The following SEL1L2 variants were observed in gnomAD, a reference collection of about 807,000 sequenced individuals.
The protein encoded by SEL1L2 is SEL1L2 adaptor subunit of SYVN1 ubiquitin ligase, also known as protein sel-1 homolog 2.
A neutral mutation model predicts 98.8 loss-of-function variants in SEL1L2; 89 were observed. That is an observed-to-expected ratio of 0.90 (90% CI 0.76 to 1.07). SEL1L2 has a LOEUF of 1.07. Among genes scored for constraint, SEL1L2 ranks in the 50% least tolerant of loss-of-function variants. The pLI is 0.00. For missense variants in SEL1L2, 788 were observed against 812.0 expected (o/e 0.97, Z 0.36); for synonymous variants, 262 against 278.5 (o/e 0.94, Z 0.59).
In SEL1L2 at chr20:13,876,035, T is replaced by C. The variant is rs764123285; in HGVS notation, c.1104+3A>G. The C allele has an allele frequency of 6.2e-7, 1 of 1,610,996 alleles. No homozygotes were observed. Among genetic ancestry groups the C allele is most frequent in the South Asian group, 1.1e-5 (1 of 91,018 alleles). Reference sequence around the variant, plus strand: ...TGTTTACAACAGTGCATTGAGGACATACCTTACTGGCTGCCATGGAAAAGT... The same window carrying C: ...TGTTTACAACAGTGCATTGAGGACACACCTTACTGGCTGCCATGGAAAAGT... On this transcript the variant is annotated splice_donor_region_variant and intron_variant, in intron 12 of 19. Coordinates refer to ENST00000284951, the MANE Select transcript of SEL1L2 (RefSeq NM_025229.2).
At chr20:13,982,626 A>T (rs1336465603) in intron 1 of SEL1L2, among the ~76,000 whole-genome samples, 1 of 151,994 alleles carries the variant, frequency 6.6e-6, no homozygotes, top group Non-Finnish European at 1.5e-5. Flanking sequence ...TAAATAAATA[A>T]ATAAGAAAGA....
intron 1 of SEL1L2, among the ~76,000 whole-genome samples, chr20:13,963,391 CAAAAAAAAAAAAAAA>C (rs67070339): frequency 2.7e-4 from 13 of 48,192 alleles, no homozygotes; most frequent in East Asian, 6.2e-4. Context: ...TCTGGAGCAG[CAAAAAAAAAAAAAAA>C]AAAAAAAAAA....
intron 17 of SEL1L2, among the ~76,000 whole-genome samples, chr20:13,860,049 T>G (rs1010729690): frequency 6.6e-6 from 1 of 152,220 alleles, no homozygotes; most frequent in Non-Finnish European, 1.5e-5. Flanking sequence ...CCTTTTAATT[T>G]TTTTAAGTAG....
chr20:13,870,015 T>A, intron 13 of SEL1L2, 126 bp downstream of exon 13: 1 of 664,798 alleles, frequency 1.5e-6, no homozygotes, highest in Non-Finnish European at 2.6e-6. Flanking sequence ...TTTTATTCTC[T>A]ATTATCTGAT....
chr20:13,970,315 A>G (rs1316379184), intron 1 of SEL1L2, among the ~76,000 whole-genome samples: 1 of 152,198 alleles, frequency 6.6e-6, no homozygotes, highest in Non-Finnish European at 1.5e-5. Flanking sequence ...ATAGACATTT[A>G]TGATGTTTTT....
intron 1 of SEL1L2, among the ~76,000 whole-genome samples, chr20:13,980,112 A>T (rs374033179): frequency 2.0e-4 from 31 of 152,384 alleles, no homozygotes; most frequent in Middle Eastern, 3.4e-3. Context: ...AATGTTCAAT[A>T]TCACTAATCA....
At chr20:13,894,723 C>T (rs1311126702) in intron 5 of SEL1L2, among the ~76,000 whole-genome samples, 1 of 152,132 alleles carries the variant, frequency 6.6e-6, no homozygotes, top group Non-Finnish European at 1.5e-5. Context: ...CAATTATGCA[C>T]CAACAAACTG....
At chr20:13,963,676 G>A (rs192588184) in intron 1 of SEL1L2, among the ~76,000 whole-genome samples, 14 of 151,954 alleles carry the variant, frequency 9.2e-5, no homozygotes, top group Admixed American at 3.9e-4. Flanking sequence ...AGATTGAACC[G>A]CTGTACTCCA....
intron 18 of SEL1L2, among the ~76,000 whole-genome samples, chr20:13,854,077 C>T (rs2054384074): frequency 1.3e-5 from 2 of 152,152 alleles, no homozygotes; most frequent in Non-Finnish European, 2.9e-5. Flanking sequence ...GAAAATAATT[C>T]TGGTGTTTAA....
intron 5 of SEL1L2, among the ~76,000 whole-genome samples, chr20:13,893,465 T>C (rs555016147): frequency 6.6e-6 from 1 of 152,266 alleles, no homozygotes; most frequent in South Asian, 2.1e-4. Flanking sequence ...ATTAGAAAGA[T>C]GTAACAAGTA....
At chr20:13,930,787 A>G (rs2049109981) in intron 3 of SEL1L2, among the ~76,000 whole-genome samples, 1 of 152,200 alleles carries the variant, frequency 6.6e-6, no homozygotes, top group Non-Finnish European at 1.5e-5. Context: ...CCCATGGTTC[A>G]TAACCCATGG....
At chr20:13,878,576 A>G (rs962106931) in intron 10 of SEL1L2, among the ~76,000 whole-genome samples, 1 of 152,198 alleles carries the variant, frequency 6.6e-6, no homozygotes, top group Admixed American at 6.5e-5. Context: ...AAGAGAAGAG[A>G]ATGTTTAAGG....
In SEL1L2 at chr20:13,849,615, G is replaced by C; in HGVS notation, c.1948-11C>G. On this transcript the variant is annotated splice_polypyrimidine_tract_variant and intron_variant, in intron 19 of 19. Coordinates refer to ENST00000284951, the MANE Select transcript of SEL1L2 (RefSeq NM_025229.2). ...CCATCTCGTTGTGAACTGCTGGCAA[G>C]AGACATTCTCTCAAAAACAATCCAA... 1.9e-6 allele frequency: 3 copies of C among 1,613,080 alleles called. No individual in the cohort carries two copies. Among genetic ancestry groups the C allele is most frequent in the Non-Finnish European group, 1.7e-6 (2 of 1,179,524 alleles).
rs182183725 is a variant in SEL1L2 at position 13,915,358 on chromosome 20, C to T, written c.387-1414G>A. On this transcript the variant is annotated intron_variant, in intron 4 of 19. Transcript: ENST00000284951. ...TCAAAGCCAGCTGAAATTCTGGAGG[C>T]GGGAAGGCAAACAAGGCAGATGGTC... The T allele has an allele frequency of 8.0e-4, 598 of 745,194 alleles. 1 individual carries two copies. The African/African-American group carries it at 9.7e-3, about 12-fold the overall frequency. 46.2% of individuals were successfully genotyped at this position (745,194 alleles called of 1,614,324 possible). A position where few individuals can be genotyped will look rare whatever the true frequency, so the allele number is the denominator to read the frequency against.
At chr20:13,956,722 A>G (rs1259919466) in intron 1 of SEL1L2, among the ~76,000 whole-genome samples, 1 of 152,148 alleles carries the variant, frequency 6.6e-6, no homozygotes, top group African/African-American at 2.4e-5. Flanking sequence ...CATATAGAAT[A>G]CATGCATAAT....
At chr20:13,915,599 A>G (rs2048371176) in intron 4 of SEL1L2, among the ~76,000 whole-genome samples, 1 of 152,146 alleles carries the variant, frequency 6.6e-6, no homozygotes, top group South Asian at 2.1e-4. Context: ...TAGCTCCAGC[A>G]TTTTATACAC....
At chr20:13,883,627 T>C (rs1449973317) in intron 10 of SEL1L2, among the ~76,000 whole-genome samples, 1 of 152,244 alleles carries the variant, frequency 6.6e-6, no homozygotes, top group Non-Finnish European at 1.5e-5. Flanking sequence ...GCTGCCTGGC[T>C]GCTACACAAC....
intron 1 of SEL1L2, among the ~76,000 whole-genome samples, chr20:13,982,066 G>A (rs2051854169): frequency 6.6e-6 from 1 of 152,186 alleles, no homozygotes; most frequent in Non-Finnish European, 1.5e-5. Context: ...CTGGACTCTG[G>A]TTACTGTGAG....
At chr20:13,938,949 T>A (rs1241589927) in intron 2 of SEL1L2, among the ~76,000 whole-genome samples, 2 of 151,966 alleles carry the variant, frequency 1.3e-5, no homozygotes, top group African/African-American at 2.4e-5. Context: ...TGTCAGTAAA[T>A]GCAGGTGTTC....
Sources: gnomAD v4.1 joint callset for allele counts (sites outside exome capture counted in the v4.1 genomes callset) on GRCh38, gnomAD v4.1.1 for gene constraint, MANE v1.5 for transcripts, NCBI Gene and HGNC (gene_info 2026-07-23, HGNC 2026-07-21) for gene names.